The following ZFC3H1 variants were observed in gnomAD, a reference collection of about 807,000 sequenced individuals.
ZFC3H1 encodes zinc finger C3H1-type containing.
Under a neutral mutation model 243.7 loss-of-function variants are expected in ZFC3H1, and 71 were observed. The observed-to-expected ratio is 0.29, with a 90% CI of 0.24 to 0.36. ZFC3H1 has a LOEUF of 0.36. Among genes scored for constraint, ZFC3H1 ranks in the 10% least tolerant of loss-of-function variants. The probability of loss-of-function intolerance (pLI) is 1.00; values close to 1 mark genes in which losing one functional copy is unlikely to be tolerated. For synonymous variants in ZFC3H1, 838 were observed against 813.0 expected, an observed-to-expected ratio of 1.03 and a Z score of -0.52; for missense variants, 1,966 against 2,317.1, an observed-to-expected ratio of 0.85 and a Z score of 3.11.
Position 71,620,330 on chromosome 12 carries a change from CACA to C in ZFC3H1, c.4745-18_4745-16del, listed in dbSNP as rs758441663. 35 of 1,611,820 alleles carry C rather than the reference CACA, an allele frequency of 2.2e-5. No individual in the cohort carries two copies. The highest frequency in any genetic ancestry group is 1.8e-4 in the East Asian group (8 of 44,872). On this transcript the variant is annotated splice_polypyrimidine_tract_variant and intron_variant, in intron 24 of 34. Coordinates refer to ENST00000378743, the MANE Select transcript of ZFC3H1 (RefSeq NM_144982.5). ...TTTCACTGCATCTACCCAAAAACAT[CACA>C]ACAACATGAATCACGTCAATCATAA...
At chr12:71,616,233 G>T (rs1384450359) in intron 27 of ZFC3H1, among the ~76,000 whole-genome samples, 4 of 152,074 alleles carry the variant, frequency 2.6e-5, no homozygotes. Flanking sequence ...GGAGGCAGAG[G>T]TTACAGTGAG....
intron 16 of ZFC3H1, among the ~76,000 whole-genome samples, chr12:71,631,455 C>A (rs1287219040): frequency 2.0e-5 from 3 of 151,940 alleles, no homozygotes; most frequent in Non-Finnish European, 2.9e-5. Context: ...GACTGAATAA[C>A]AGTAAAATTA....
intron 31 of ZFC3H1, 56 bp downstream of exon 31, chr12:71,613,278 AT>A: frequency 8.0e-7 from 1 of 1,254,444 alleles, no homozygotes; most frequent in South Asian, 1.4e-5. Flanking sequence ...GAATAATCTT[AT>A]ATAAAGAGCC....
rs1343164482 is a variant in ZFC3H1 at position 71,630,874 on chromosome 12, C to T, written c.3551G>A (p.Cys1184Tyr). ...SYSNMIEPDQ[C>Y]FCRFDLTGTC... is the part of the protein sequence containing the mutation. Reference sequence around the variant, plus strand: ...TCCTGTTAAATCAAAACGGCAGAAACACTGATCCGGTTCAATCATATTACT... The same window carrying T: ...TCCTGTTAAATCAAAACGGCAGAAATACTGATCCGGTTCAATCATATTACT... The change falls in exon 17 of 35, where the codon TGT becomes TAT. Residue 1184 changes from cysteine (C) to tyrosine (Y), a missense_variant. Around this residue, in one of 4 missense-constraint regions of ZFC3H1, gnomAD observed 1,383 missense variants for 1,723.7 expected, o/e 0.80. Transcript: ENST00000378743. The T allele has an allele frequency of 6.2e-7, 1 of 1,613,422 alleles. No homozygotes were observed. Among genetic ancestry groups the T allele is most frequent in the East Asian group, 2.2e-5 (1 of 44,774 alleles).
At chr12:71,619,730 A>G (rs886485115) in intron 26 of ZFC3H1, among the ~76,000 whole-genome samples, 196 bp downstream of exon 26, 1 of 152,196 alleles carries the variant, frequency 6.6e-6, no homozygotes, top group Non-Finnish European at 1.5e-5. Flanking sequence ...TGCCTTCAAG[A>G]AGTTTAGTAT....
chr12:71,617,447 G>T (rs1001222641), intron 27 of ZFC3H1, among the ~76,000 whole-genome samples: 1 of 152,308 alleles, frequency 6.6e-6, no homozygotes, highest in East Asian at 1.9e-4. Flanking sequence ...TTAGTAATGA[G>T]AATATATTTG....
chr12:71,659,236 A>C (rs1881101072), intron 1 of ZFC3H1, among the ~76,000 whole-genome samples: 1 of 152,218 alleles, frequency 6.6e-6, no homozygotes, highest in Non-Finnish European at 1.5e-5. Flanking sequence ...GCCATCCTTC[A>C]TACTGCTGCT....
chr12:71,629,143 T>G, intron 19 of ZFC3H1, 106 bp from the exon 20 acceptor site: 4 of 1,029,726 alleles, frequency 3.9e-6, no homozygotes, highest in Non-Finnish European at 5.4e-6. Context: ...CACTCCATCT[T>G]AGAAATGATA....
In ZFC3H1 at chr12:71,620,310, C is replaced by G. The variant is rs1474521308; in HGVS notation, c.4750G>C (p.Val1584Leu). 1.9e-6 allele frequency: 3 copies of G among 1,614,118 alleles called. No homozygotes were observed. The highest frequency in any genetic ancestry group is 2.5e-6 in the Non-Finnish European group (3 of 1,179,984). The change falls in exon 25 of 35, where the codon GTG becomes CTG. Residue 1584 changes from valine (V) to leucine (L), a missense_variant. This residue lies in a region of ZFC3H1 where 1,383 missense variants were observed against 1,723.7 expected (regional missense o/e 0.80). Coordinates refer to ENST00000378743, the MANE Select transcript of ZFC3H1 (RefSeq NM_144982.5). Reference sequence around the variant, plus strand: ...AGGCTCTCATCTGTGCAAGCTTTCACTGCATCTACCCAAAAACATCACAAC... The same window carrying G: ...AGGCTCTCATCTGTGCAAGCTTTCAGTGCATCTACCCAAAAACATCACAAC... ...DMLLAVFEDA[V>L]KACTDESLAV...
chr12:71,636,660 TAAGG>T lies in ZFC3H1; in HGVS notation c.1936-10_1936-7del. The T allele has an allele frequency of 6.3e-7, 1 of 1,597,876 alleles. No individual in the cohort carries two copies. On this transcript the variant is annotated splice_polypyrimidine_tract_variant and splice_region_variant and intron_variant, in intron 8 of 34. Transcript: ENST00000378743. The stretch of plus-strand genomic sequence containing the variant: ...TCACTATTACTGGATGTTTCCTACA[TAAGG>T]AAGAGAAAGACATTAAACATTCCTA...
chr12:71,653,851 A>C (rs1056950735), intron 2 of ZFC3H1, among the ~76,000 whole-genome samples: 8 of 152,132 alleles, frequency 5.3e-5, no homozygotes, highest in East Asian at 1.9e-4. Flanking sequence ...CCCCAGCTCC[A>C]CTAAATACAA....
chr12:71,641,342 C>T (rs899943989), intron 6 of ZFC3H1, among the ~76,000 whole-genome samples: 2 of 152,080 alleles, frequency 1.3e-5, no homozygotes, highest in African/African-American at 4.8e-5. Context: ...AAACACTAGC[C>T]AAATAATACA....
chr12:71,619,711 C>T (rs895133259), intron 26 of ZFC3H1, among the ~76,000 whole-genome samples: 1 of 152,096 alleles, frequency 6.6e-6, no homozygotes, highest in Admixed American at 6.5e-5. Flanking sequence ...TATGAGTAAA[C>T]ATGTTCCTTG....
intron 3 of ZFC3H1, among the ~76,000 whole-genome samples, chr12:71,645,421 G>A (rs1880705103): frequency 6.6e-6 from 1 of 152,170 alleles, no homozygotes; most frequent in Non-Finnish European, 1.5e-5. Context: ...TCTGATGGCA[G>A]CAAATGCAAT....
At chr12:71,633,822 AT>A (rs1294393427) in intron 12 of ZFC3H1, among the ~76,000 whole-genome samples, 2 of 152,056 alleles carry the variant, frequency 1.3e-5, no homozygotes, top group Non-Finnish European at 2.9e-5. Context: ...TGCCCAGCTA[AT>A]TTTTTTGTAT....
At chr12:71,627,972 T>C in intron 20 of ZFC3H1, 38 bp from the exon 21 acceptor site, 1 of 1,582,878 alleles carries the variant, frequency 6.3e-7, no homozygotes, top group African/African-American at 1.4e-5. Flanking sequence ...TCACATTTTC[T>C]TTAGTCCACA....
At position 71,657,262 on chromosome 12, in the gene ZFC3H1, T is replaced by A; in HGVS notation, c.638A>T (p.Tyr213Phe). Residue 213 changes from tyrosine (Y) to phenylalanine (F), a missense_variant, in exon 2 of 35, where the codon TAT becomes TTT. Tyr to Phe is a conservative substitution (Grantham distance 22). Around this residue, in one of 4 missense-constraint regions of ZFC3H1, gnomAD observed 484 missense variants for 449.7 expected, o/e 1.08. Transcript: ENST00000378743. ...FGRSPSRKQN[Y>F]SSKNENCVEE... ...CACACAGTTTTCATTTTTTGATGAA[T>A]AATTTTGTTTTCTTGATGGAGACCT... The A allele has an allele frequency of 6.3e-7, 1 of 1,581,340 alleles. No individual in the cohort carries two copies. The highest frequency in any genetic ancestry group is 8.6e-7 in the Non-Finnish European group (1 of 1,167,462).
intron 18 of ZFC3H1, 61 bp from the exon 19 acceptor site, chr12:71,629,771 A>C: frequency 9.3e-7 from 1 of 1,076,354 alleles, no homozygotes; most frequent in Non-Finnish European, 1.4e-6. Flanking sequence ...AGGATAATTA[A>C]AATGTATGAC....
intron 16 of ZFC3H1, 128 bp from the exon 17 acceptor site, chr12:71,631,082 T>A: frequency 1.1e-6 from 1 of 938,892 alleles, no homozygotes; most frequent in Non-Finnish European, 1.4e-6. Flanking sequence ...TTTATCTAAT[T>A]AAATTAATGC....
Sources: gnomAD v4.1 joint callset for allele counts (sites outside exome capture counted in the v4.1 genomes callset) on GRCh38, gnomAD v4.1.1 for gene constraint, gnomAD v4.1.1 regional missense constraint, MANE v1.5 for transcripts, NCBI Gene and HGNC (gene_info 2026-07-23, HGNC 2026-07-21) for gene names.